The following ULK1 variants were observed in gnomAD, a reference collection of about 807,000 sequenced individuals.
ULK1 encodes unc-51 like autophagy activating kinase 1.
Under a neutral mutation model 117.5 loss-of-function variants are expected in ULK1, and 48 were observed. The ratio of observed to expected loss-of-function variants is 0.41; its 90% CI spans 0.32 to 0.52. The LOEUF is 0.52. Among genes scored for constraint, ULK1 ranks in the 20% least tolerant of loss-of-function variants. ULK1 has a pLI of 0.29. For missense variants in ULK1, 1,387 were observed against 1,473.4 expected (o/e 0.94, Z 0.96); for synonymous variants, 790 against 637.8 (o/e 1.24, Z -3.60).
Position 131,918,630 on chromosome 12 carries a change from G to A in ULK1, c.2460G>A (p.Glu820=), listed in dbSNP as rs1593275911. 1 of 1,610,082 alleles carries A rather than the reference G, an allele frequency of 6.2e-7. No homozygotes were observed. ...SFADPITANL[E]GAVTFEAPDL... ...CCGACCCCATTACTGCGAACCTGGA[G>A]GGGGCTGTGACCTTCGAGGCCCCCG... Residue 820 remains glutamate (E), a synonymous_variant, in exon 23 of 28, where the codon GAG becomes GAA. Transcript: ENST00000321867.
chr12:131,905,697 C>G (rs1374652361), intron 3 of ULK1, among the ~76,000 whole-genome samples: 4 of 152,150 alleles, frequency 2.6e-5, no homozygotes, highest in Non-Finnish European at 5.9e-5. Flanking sequence ...GGGCCTCACT[C>G]TCCTTGTCTG....
chr12:131,918,847 GGT>G (rs1388045301), intron 23 of ULK1, among the ~76,000 whole-genome samples, 166 bp downstream of exon 23: 2 of 103,614 alleles, frequency 1.9e-5, no homozygotes, highest in Non-Finnish European at 4.5e-5. Context: ...TGGGGTGTCG[GGT>G]GTGTGGGGTG....
At chr12:131,900,324 T>G (rs1414033208) in intron 3 of ULK1, among the ~76,000 whole-genome samples, 1 of 152,192 alleles carries the variant, frequency 6.6e-6, no homozygotes, top group East Asian at 1.9e-4. Flanking sequence ...GTTGTTATTT[T>G]TGTTCTTATT....
intron 10 of ULK1, 84 bp from the exon 11 acceptor site, chr12:131,910,170 G>C: frequency 1.3e-6 from 2 of 1,593,348 alleles, no homozygotes. Flanking sequence ...GCCCAACGCG[G>C]CTGGAGCTCA....
intron 4 of ULK1, among the ~76,000 whole-genome samples, chr12:131,907,248 T>TGACTTCAAGCG (rs764517175): frequency 5.9e-5 from 9 of 152,196 alleles, no homozygotes; most frequent in Non-Finnish European, 1.3e-4. Flanking sequence ...TTGAACCTCC[T>TGACTTCAAGCG]GACTTCAAGC....
chr12:131,908,807 C>A lies in ULK1; in HGVS notation c.480C>A (p.Arg160=), dbSNP rs755560080. The part of the protein sequence containing the change: ...AGRRANPNSI[R]VKIADFGFAR... ...GCCGCGCCAACCCCAACAGCATCCG[C>A]GTCAAGATCGGTCAGCCCGCGGGCA... The change falls in exon 6 of 28, where the codon CGC becomes CGA. Residue 160 remains arginine, a synonymous_variant. Transcript: ENST00000321867. 3.1e-6 allele frequency: 5 copies of A among 1,606,434 alleles called. No homozygotes were observed. The African/African-American group carries it at 6.7e-5, about 22-fold the overall frequency.
chr12:131,919,367 G>A lies in ULK1; in HGVS notation c.2667G>A (p.Leu889=). 1 of 1,556,278 alleles carries A rather than the reference G, an allele frequency of 6.4e-7. No individual in the cohort carries two copies. The highest frequency in any genetic ancestry group is 8.7e-7 in the Non-Finnish European group (1 of 1,150,604). ...GTGTGGTGGCCGACCAGATCAGCCT[G>A]CTGAGCCGAGAATGGGGGTGGGTGC... ...QESVVADQIS[L]LSREWGFAEQ... Residue 889 remains leucine, a synonymous_variant, in exon 24 of 28, where the codon CTG becomes CTA. Coordinates refer to ENST00000321867, the MANE Select transcript of ULK1 (RefSeq NM_003565.4).
chr12:131,911,540 C>T (rs1178422205), intron 12 of ULK1, among the ~76,000 whole-genome samples: 1 of 152,206 alleles, frequency 6.6e-6, no homozygotes, highest in Non-Finnish European at 1.5e-5. Flanking sequence ...AGAGCAGGGC[C>T]CACCGGGGTG....
At chr12:131,915,824 G>A (rs1889752553) in intron 18 of ULK1, 67 bp from the exon 19 acceptor site, 5 of 1,589,044 alleles carry the variant, frequency 3.1e-6, no homozygotes, top group Non-Finnish European at 4.3e-6. Flanking sequence ...GGCTCCGTGT[G>A]GTAGCAGTGG....
chr12:131,908,502 C>T, intron 5 of ULK1, 142 bp from the exon 6 acceptor site: 6 of 1,042,908 alleles, frequency 5.8e-6, no homozygotes, highest in Non-Finnish European at 6.5e-6. Flanking sequence ...TGGCTTGTGC[C>T]CCTCCTGACC....
chr12:131,896,643 T>TG (rs71453131), intron 3 of ULK1: 76 of 151,738 alleles, frequency 5.0e-4, no homozygotes, highest in East Asian at 1.2e-3. Context: ...AGGTGCCGGG[T>TG]GGGGGGGGCC....
chr12:131,905,373 G>A (rs1889233632), intron 3 of ULK1, among the ~76,000 whole-genome samples: 1 of 115,964 alleles, frequency 8.6e-6, no homozygotes. Flanking sequence ...TCCTGGGACT[G>A]GGGGCTGAGC....
intron 25 of ULK1, 121 bp downstream of exon 25, chr12:131,919,711 G>T: frequency 8.1e-7 from 1 of 1,241,260 alleles, no homozygotes. Context: ...AGGTGCAGAG[G>T]CCCCGGGGCC....
chr12:131,896,027 C>T (rs569030424), intron 3 of ULK1, among the ~76,000 whole-genome samples: 3 of 152,292 alleles, frequency 2.0e-5, no homozygotes, highest in African/African-American at 7.2e-5. Flanking sequence ...GAGGGGGTGT[C>T]TGGGCCGCAG....
intron 3 of ULK1, 83 bp from the exon 4 acceptor site, chr12:131,906,809 G>T (rs1889294895): frequency 1.3e-6 from 2 of 1,587,922 alleles, no homozygotes; most frequent in Non-Finnish European, 1.7e-6. Context: ...GGCCTGCCCA[G>T]GCCGAATTGG....
chr12:131,919,171 G>A (rs1186483539), intron 23 of ULK1, 41 bp from the exon 24 acceptor site: 2 of 1,558,464 alleles, frequency 1.3e-6, no homozygotes, highest in South Asian at 1.2e-5. Context: ...CCCCTTCCAA[G>A]CCCGGGCAGC....
intron 3 of ULK1, 104 bp downstream of exon 3, chr12:131,895,928 G>A: frequency 6.9e-7 from 1 of 1,455,672 alleles, no homozygotes. Context: ...TCCAGGCTGG[G>A]GTCTACTGGG....
chr12:131,914,127 C>A (rs948017810), intron 15 of ULK1, among the ~76,000 whole-genome samples: 19 of 152,286 alleles, frequency 1.2e-4, no homozygotes, highest in Admixed American at 2.6e-4. Context: ...TGGCCCCCCA[C>A]TGGCTGGGTG....
rs1391822104 is a variant in ULK1, at chr12:131,902,380, C to T, written c.247-4512C>T. 5.3e-5 allele frequency among the ~76,000 whole-genome samples: 8 copies of T among 152,270 alleles called. No individual in the cohort carries two copies. Among genetic ancestry groups the T allele is most frequent in the African/African-American group, 1.9e-4 (8 of 41,546 alleles). ...GATCCTATTAAGTAAAGCACCTTAGCACCCCAGGGGTGGGGCAGCCTCCTA... is the reference window on the plus strand; with the variant it reads ...GATCCTATTAAGTAAAGCACCTTAGTACCCCAGGGGTGGGGCAGCCTCCTA... On this transcript the variant is annotated intron_variant, in intron 3 of 27. Transcript: ENST00000321867. This position sits in a 1 kb window ranked among gnomAD's most constrained non-coding sequence, Gnocchi z 6.3.
Sources: gnomAD v4.1 joint callset for allele counts (sites outside exome capture counted in the v4.1 genomes callset) on GRCh38, gnomAD v4.1.1 for gene constraint, Gnocchi (gnomAD v3.1) non-coding constraint, MANE v1.5 for transcripts, NCBI Gene and HGNC (gene_info 2026-07-23, HGNC 2026-07-21) for gene names.